FOSL1: variants seen among roughly 807,000 people sequenced by gnomAD.
FOSL1 encodes the protein fos-related antigen 1.
FOSL1 carries 14 observed loss-of-function variants against 24.9 expected under a neutral mutation model. The ratio of observed to expected loss-of-function variants is 0.56; its 90% CI spans 0.37 to 0.88. FOSL1 has a LOEUF of 0.88. Among genes scored for constraint, FOSL1 ranks in the 40% least tolerant of loss-of-function variants. The probability of loss-of-function intolerance (pLI) is 0.00; values close to 1 mark genes in which losing one functional copy is unlikely to be tolerated. For missense variants in FOSL1, 318 were observed against 359.8 expected, an observed-to-expected ratio of 0.88 and a Z score of 0.94; for synonymous variants, 133 against 145.1, an observed-to-expected ratio of 0.92 and a Z score of 0.60.
At chr11:65,895,742 T>A (rs1003688900) in intron 2 of FOSL1, among the ~76,000 whole-genome samples, 1 of 152,198 alleles carries the variant, frequency 6.6e-6, no homozygotes, top group Non-Finnish European at 1.5e-5. Flanking sequence ...CATTCTGTTC[T>A]GGGAAACCTG....
intron 1 of FOSL1, among the ~76,000 whole-genome samples, chr11:65,899,058 G>T (rs940940600): frequency 1.3e-4 from 20 of 151,822 alleles, no homozygotes; most frequent in Admixed American, 1.0e-3. Context: ...CTTCGATTCC[G>T]TGAAATATGG....
Position 65,892,535 on chromosome 11 carries a change from G to C in FOSL1, c.*351C>G. On this transcript the variant is annotated 3_prime_UTR_variant, in exon 4 of 4. Transcript: ENST00000312562. ...TAGGGTTGGGTGGATCACAGGAAGA[G>C]GGTGATGGAGAGTGTGGCAGTGATC... is the stretch of plus-strand genomic sequence containing the variant. 1 of 511,196 alleles carries C rather than the reference G, an allele frequency of 2.0e-6. No individual in the cohort carries two copies. Among genetic ancestry groups the C allele is most frequent in the African/African-American group, 1.9e-5 (1 of 52,382 alleles). The allele number at this position is 511,196 out of a possible 1,614,324, so 31.7% of individuals were successfully genotyped here. A position where few individuals can be genotyped will look rare whatever the true frequency, so the allele number is the denominator to read the frequency against.
At position 65,893,301 on chromosome 11, in the gene FOSL1, A is replaced by G. The variant is rs1363037008; in HGVS notation, c.406-5T>C. The G allele has an allele frequency of 5.6e-6, 9 of 1,598,892 alleles. No homozygotes were observed. Among genetic ancestry groups the G allele is most frequent in the Non-Finnish European group, 6.8e-6 (8 of 1,172,100 alleles). ...ATCTTCCAGTTTGTCAGTCTCCTGT[A>G]GAAGATCAGGAGAGGAGTCAGAAAG... is the stretch of plus-strand genomic sequence containing the variant. On this transcript the variant is annotated splice_region_variant and splice_polypyrimidine_tract_variant and intron_variant, in intron 3 of 3. Transcript: ENST00000312562.
Position 65,896,845 on chromosome 11 carries a change from C to A in FOSL1, c.261G>T (p.Gly87=), listed in dbSNP as rs1377079899. 1 of 1,611,844 alleles carries A rather than the reference C, an allele frequency of 6.2e-7. No individual in the cohort carries two copies. Among genetic ancestry groups the A allele is most frequent in the African/African-American group, 1.3e-5 (1 of 74,826 alleles). The part of the protein sequence containing the change: ...QPRPGVIRAL[G]PPPGVRRRPC... ...GCCTTCGACGTACCCCTGGAGGCGGCCCCAGGGCCCGGATGACTCCTGGCC... is the reference window on the plus strand; with the variant it reads ...GCCTTCGACGTACCCCTGGAGGCGGACCCAGGGCCCGGATGACTCCTGGCC... Residue 87 remains glycine (G), a synonymous_variant, in exon 2 of 4, where the codon GGG becomes GGT. Transcript: ENST00000312562.
rs770313475 is a variant in FOSL1, at chr11:65,897,001, G to A, written c.105C>T (p.Phe35=). 3.7e-6 allele frequency: 6 copies of A among 1,613,432 alleles called. No individual in the cohort carries two copies. Among genetic ancestry groups the A allele is most frequent in the Admixed American group, 1.7e-5 (1 of 60,016 alleles). Residue 35 remains phenylalanine (F), a synonymous_variant, in exon 2 of 4, where the codon TTC becomes TTT. Coordinates refer to ENST00000312562, the MANE Select transcript of FOSL1 (RefSeq NM_005438.5). Reference sequence around the variant, plus strand: ...TGGTGTTGATGCTTGGCACCAGGTGGAACTTCTAAGGAATAAGAAATGGAA... The same window carrying A: ...TGGTGTTGATGCTTGGCACCAGGTGAAACTTCTAAGGAATAAGAAATGGAA... ...PAAAQAAQQK[F]HLVPSINTMS...
intron 1 of FOSL1, among the ~76,000 whole-genome samples, chr11:65,899,636 G>A (rs962145542): frequency 4.6e-5 from 7 of 152,270 alleles, no homozygotes; most frequent in Non-Finnish European, 1.0e-4. Flanking sequence ...GGGATCGAGG[G>A]CCGGTCTCCG....
At chr11:65,895,215 C>T (rs1255537650) in intron 2 of FOSL1, among the ~76,000 whole-genome samples, 2 of 151,574 alleles carry the variant, frequency 1.3e-5, no homozygotes, top group Non-Finnish European at 2.9e-5. Context: ...GCTCCGCCTC[C>T]GGGGTTCACG....
intron 2 of FOSL1, among the ~76,000 whole-genome samples, chr11:65,894,844 A>T (rs971410632): frequency 6.6e-6 from 1 of 151,796 alleles, no homozygotes; most frequent in Non-Finnish European, 1.5e-5. Flanking sequence ...TTTAGTAGAG[A>T]CGAGGTTTCA....
At chr11:65,894,529 C>A (rs1045637857) in intron 2 of FOSL1, among the ~76,000 whole-genome samples, 1 of 152,214 alleles carries the variant, frequency 6.6e-6, no homozygotes, top group Non-Finnish European at 1.5e-5. Context: ...CTTCCATGAG[C>A]TGTAAGCACT....
chr11:65,900,449 C>A (rs1860648932), upstream of FOSL1: 19 of 555,698 alleles, frequency 3.4e-5, no homozygotes, highest in East Asian at 6.3e-4. Context: ...TGAACCACTG[C>A]GACCGCGGGG....
In FOSL1 at chr11:65,892,988, G is replaced by A. The variant is rs148163955; in HGVS notation, c.714C>T (p.Pro238=). ...CTGAGGCACAAGGCTCAGGAGTGCT[G>A]GGGTAGGTGAAGACCAGGCTGGGGG... The part of the protein sequence containing the change: ...PFTPSLVFTY[P]STPEPCASAH... Residue 238 remains proline, a synonymous_variant, in exon 4 of 4, where the codon CCC becomes CCT. Coordinates refer to ENST00000312562, the MANE Select transcript of FOSL1 (RefSeq NM_005438.5). The A allele has an allele frequency of 1.2e-6, 2 of 1,612,762 alleles. No individual in the cohort carries two copies. Among genetic ancestry groups the A allele is most frequent in the African/African-American group, 2.7e-5 (2 of 74,884 alleles).
intron 1 of FOSL1, 106 bp downstream of exon 1, chr11:65,900,135 G>T: frequency 1.9e-6 from 1 of 520,710 alleles, no homozygotes; most frequent in Non-Finnish European, 2.9e-6. Flanking sequence ...CCCCCAGCCC[G>T]GCCCCGACTC....
Position 65,893,966 on chromosome 11 carries a change from T to C in FOSL1, c.405+48A>G, listed in dbSNP as rs192559198. On this transcript the variant is annotated intron_variant, in intron 3 of 3. Transcript: ENST00000312562. ...ACATATACTGGGGCTCTGGGGGCTCTGGGAGACAGGGTCCCTCTGAGCTCG... is the reference window on the plus strand; with the variant it reads ...ACATATACTGGGGCTCTGGGGGCTCCGGGAGACAGGGTCCCTCTGAGCTCG... 1.6e-5 allele frequency: 21 copies of C among 1,334,414 alleles called. No individual in the cohort carries two copies. In the African/African-American group the frequency reaches 2.0e-4, roughly 13 times the overall value. 82.7% of individuals were successfully genotyped at this position (1,334,414 alleles called of 1,614,324 possible). A position where few individuals can be genotyped will look rare whatever the true frequency, so the allele number is the denominator to read the frequency against.
rs537470040 is a variant in FOSL1, at chr11:65,892,674, C to T, written c.*212G>A. 68 of 700,116 alleles carry T rather than the reference C, an allele frequency of 9.7e-5. No homozygotes were observed. The highest frequency in any genetic ancestry group is 1.5e-4 in the Non-Finnish European group (56 of 384,368). The allele number at this position is 700,116 out of a possible 1,614,324, so 43.4% of individuals were successfully genotyped here. ...TGTCTCTGATTTAGTGCAAATTGTGCTAGAGAGGCCAGCTCAAGAGAAACA... is the reference window on the plus strand; with the variant it reads ...TGTCTCTGATTTAGTGCAAATTGTGTTAGAGAGGCCAGCTCAAGAGAAACA... On this transcript the variant is annotated 3_prime_UTR_variant, in exon 4 of 4. Coordinates refer to ENST00000312562, the MANE Select transcript of FOSL1 (RefSeq NM_005438.5).
chr11:65,900,128 C>G (rs1860635243), intron 1 of FOSL1, 113 bp downstream of exon 1: 1 of 498,076 alleles, frequency 2.0e-6, no homozygotes, highest in African/African-American at 2.0e-5. Flanking sequence ...GCCCCAGCCC[C>G]CAGCCCGGCC....
Position 65,893,053 on chromosome 11 carries a change from T to C in FOSL1, c.649A>G (p.Thr217Ala), listed in dbSNP as rs1860430682. 6.2e-7 allele frequency: 1 copy of C among 1,609,960 alleles called. No individual in the cohort carries two copies. The highest frequency in any genetic ancestry group is 8.5e-7 in the Non-Finnish European group (1 of 1,178,310). Residue 217 changes from threonine to alanine, a missense_variant, in exon 4 of 4, where the codon ACC becomes GCC. Physicochemically the swap from Thr to Ala is moderately conservative, Grantham distance 58. Coordinates refer to ENST00000312562, the MANE Select transcript of FOSL1 (RefSeq NM_005438.5). ...GPVLEPEALHTPTLMTTPSLT... is the reference protein window; with the variant it reads ...GPVLEPEALHAPTLMTTPSLT... ...GAGGGTGTGGTCATGAGTGTGGGGG[T>C]GTGCAGTGCCTCAGGTTCAAGCACA...
Position 65,893,013 on chromosome 11 carries a change from G to A in FOSL1, c.689C>T (p.Thr230Ile), listed in dbSNP as rs1860428512. ...GGGGTAGGTGAAGACCAGGCTGGGG[G>A]TGAAAGGAGTTAGGGAGGGTGTGGT... ...LMTTPSLTPF[T>I]PSLVFTYPST... The change falls in exon 4 of 4, where the codon ACC (threonine) becomes ATC (isoleucine). Residue 230 changes from threonine (T) to isoleucine (I), a missense_variant. By Grantham distance (89) the Thr-to-Ile change is moderately conservative. Coordinates refer to ENST00000312562, the MANE Select transcript of FOSL1 (RefSeq NM_005438.5). The A allele has an allele frequency of 6.2e-7, 1 of 1,612,638 alleles. No homozygotes were observed.
intron 1 of FOSL1, among the ~76,000 whole-genome samples, chr11:65,898,254 T>A (rs1273091201): frequency 6.6e-6 from 1 of 152,128 alleles, no homozygotes; most frequent in Non-Finnish European, 1.5e-5. Flanking sequence ...TTGGCCAGGC[T>A]GGTCTTGAAC....
chr11:65,898,154 C>T, intron 1 of FOSL1, among the ~76,000 whole-genome samples: 1 of 144,658 alleles, frequency 6.9e-6, no homozygotes, highest in East Asian at 2.2e-4. Flanking sequence ...AATTCTCCTG[C>T]CTCAGCCTCC....
Sources: allele counts gnomAD v4.1 joint callset (sites outside exome capture counted in the v4.1 genomes callset), GRCh38; gene constraint gnomAD v4.1.1; transcripts MANE v1.5; gene names NCBI Gene and HGNC (gene_info 2026-07-23, HGNC 2026-07-21).